The following RIN2 variants were observed in gnomAD, a reference collection of about 807,000 sequenced individuals.
RIN2 encodes the protein RAB5 interacting protein 2.
A neutral mutation model predicts 78.0 loss-of-function variants in RIN2; 36 were observed. That is an observed-to-expected ratio of 0.46 (90% CI 0.35 to 0.61). RIN2 has a LOEUF of 0.61. RIN2 is among the 20% of genes least tolerant of loss of function. The pLI is 0.00. For synonymous variants in RIN2, 466 were observed against 466.8 expected, an observed-to-expected ratio of 1.00 and a Z score of 0.02; for missense variants, 1,087 against 1,159.7, an observed-to-expected ratio of 0.94 and a Z score of 0.91.
chr20:19,823,725 C>A lies in RIN2; in HGVS notation c.-37+23978C>A, dbSNP rs988138070. The stretch of plus-strand genomic sequence containing the variant: ...TGATCATGGCAGAGGCAGAAGGCAC[C>A]ACCTCAATCTGGGCCTGTCTGTTCT... On this transcript the variant is annotated intron_variant, in intron 2 of 12. Transcript: ENST00000255006. 145 of 1,589,300 alleles carry A rather than the reference C, an allele frequency of 9.1e-5. 1 individual carries two copies. The highest frequency in any genetic ancestry group is 1.2e-4 in the Non-Finnish European group (143 of 1,169,776).
intron 4 of RIN2, among the ~76,000 whole-genome samples, chr20:19,939,705 G>A (rs753957298): frequency 2.0e-5 from 3 of 151,988 alleles, no homozygotes; most frequent in Admixed American, 6.6e-5. Flanking sequence ...TTGTACTTGC[G>A]GTTCCTTCTG....
At chr20:19,962,159 G>C (rs2041776228) in intron 6 of RIN2, among the ~76,000 whole-genome samples, 1 of 150,270 alleles carries the variant, frequency 6.7e-6, no homozygotes, top group African/African-American at 2.4e-5. Context: ...AAAAAAATTA[G>C]CCAGGCATGA....
rs192826507 is a variant in RIN2, at chr20:19,767,622, A to G, written c.-163+9295A>G. Among the ~76,000 whole-genome samples, 365 of 152,126 alleles carry G rather than the reference A, an allele frequency of 2.4e-3. 1 individual carries two copies. The highest frequency in any genetic ancestry group is 8.5e-3 in the African/African-American group (354 of 41,516). On this transcript the variant is annotated intron_variant, in intron 1 of 12. Transcript: ENST00000255006. ...GCTCCTGCGAGTTCATTATGGCACCACTTAGAATGCGAGGCTCCTGGCCAG... is the reference window on the plus strand; with the variant it reads ...GCTCCTGCGAGTTCATTATGGCACCGCTTAGAATGCGAGGCTCCTGGCCAG...
At chr20:19,822,501 C>G (rs1269638027) in intron 2 of RIN2, among the ~76,000 whole-genome samples, 2 of 152,186 alleles carry the variant, frequency 1.3e-5, no homozygotes, top group Non-Finnish European at 2.9e-5. Flanking sequence ...ATCTTAAATG[C>G]TCTCTTGCTC....
intron 1 of RIN2, among the ~76,000 whole-genome samples, chr20:19,796,680 A>G (rs962096616): frequency 3.9e-5 from 6 of 152,190 alleles, no homozygotes; most frequent in African/African-American, 9.6e-5. Context: ...AGCTTCAAAA[A>G]TAGGGTTCCC....
intron 2 of RIN2, among the ~76,000 whole-genome samples, chr20:19,835,470 A>T (rs544912842): frequency 2.0e-5 from 3 of 152,344 alleles, no homozygotes; most frequent in Non-Finnish European, 4.4e-5. Context: ...TTTAAACGAG[A>T]TCAGATAAAA....
chr20:19,962,889 G>A (rs1278397826), intron 6 of RIN2, among the ~76,000 whole-genome samples: 1 of 152,094 alleles, frequency 6.6e-6, no homozygotes, highest in Non-Finnish European at 1.5e-5. Flanking sequence ...CCCGGGAGGT[G>A]GAGGTTGCAG....
chr20:19,892,187 G>T (rs1330785039), intron 3 of RIN2, among the ~76,000 whole-genome samples: 2 of 152,086 alleles, frequency 1.3e-5, no homozygotes, highest in African/African-American at 4.8e-5. Context: ...TGTGTTTTTG[G>T]CAGAGTTTAA....
chr20:19,974,638 T>G lies in RIN2; in HGVS notation c.629-16T>G. ...ACCGTATTTACATTCTTGTGTTCAC[T>G]GATAATGACTTTCAGATTTCTGGAG... On this transcript the variant is annotated splice_polypyrimidine_tract_variant and intron_variant, in intron 8 of 12. Coordinates refer to ENST00000255006, the MANE Select transcript of RIN2 (RefSeq NM_018993.4). The G allele has an allele frequency of 3.7e-6, 6 of 1,606,274 alleles. No homozygotes were observed. The highest frequency in any genetic ancestry group is 5.1e-6 in the Non-Finnish European group (6 of 1,174,874).
intron 3 of RIN2, among the ~76,000 whole-genome samples, chr20:19,901,353 A>G (rs2038974711): frequency 7.3e-6 from 1 of 137,532 alleles, no homozygotes. Context: ...GCATCTGCAC[A>G]CAGATACATG....
At chr20:19,881,822 G>A (rs991108052) in intron 2 of RIN2, among the ~76,000 whole-genome samples, 1 of 152,164 alleles carries the variant, frequency 6.6e-6, no homozygotes, top group Non-Finnish European at 1.5e-5. Flanking sequence ...TAGGCTGTTA[G>A]TAAACAAAAC....
At chr20:19,987,700 A>G (rs552507992) in intron 9 of RIN2, among the ~76,000 whole-genome samples, 1 of 152,358 alleles carries the variant, frequency 6.6e-6, no homozygotes, top group East Asian at 1.9e-4. Context: ...AGGTAAAGTC[A>G]AAGATGCTAT....
At chr20:19,785,006 A>C (rs2034626801) in intron 1 of RIN2, among the ~76,000 whole-genome samples, 1 of 152,230 alleles carries the variant, frequency 6.6e-6, no homozygotes, top group African/African-American at 2.4e-5. Flanking sequence ...CCGCAAAATC[A>C]GACATGCTTC....
chr20:19,861,622 C>G (rs1041737139), intron 2 of RIN2, among the ~76,000 whole-genome samples: 1 of 151,328 alleles, frequency 6.6e-6, no homozygotes, highest in African/African-American at 2.4e-5. Flanking sequence ...TGATGATCAC[C>G]CTCCATATCT....
chr20:19,926,858 A>G (rs2040246041), intron 3 of RIN2, among the ~76,000 whole-genome samples: 1 of 152,190 alleles, frequency 6.6e-6, no homozygotes, highest in South Asian at 2.1e-4. Flanking sequence ...CTTGTGCTAT[A>G]AGCACTTTCT....
chr20:19,839,187 A>G (rs1244949758), intron 2 of RIN2, among the ~76,000 whole-genome samples: 1 of 152,164 alleles, frequency 6.6e-6, no homozygotes, highest in Non-Finnish European at 1.5e-5. Context: ...TAAGGGAGGA[A>G]CAAAACCGGT....
At chr20:19,914,513 T>C (rs1013946131) in intron 3 of RIN2, among the ~76,000 whole-genome samples, 3 of 152,204 alleles carry the variant, frequency 2.0e-5, no homozygotes, top group African/African-American at 7.2e-5. Context: ...GCTGGGCAGC[T>C]GAATTAAATT....
At chr20:19,851,813 A>G (rs1306717719) in intron 2 of RIN2, among the ~76,000 whole-genome samples, 1 of 152,176 alleles carries the variant, frequency 6.6e-6, no homozygotes, top group Non-Finnish European at 1.5e-5. Flanking sequence ...AAGAGGTATT[A>G]GTTAGCTATA....
At chr20:19,764,579 TACAAAA>T (rs2033786914) in intron 1 of RIN2, among the ~76,000 whole-genome samples, 1 of 152,274 alleles carries the variant, frequency 6.6e-6, no homozygotes, top group Non-Finnish European at 1.5e-5. Context: ...CATTTTGTTA[TACAAAA>T]TCTTTAACCT....
Sources: allele counts gnomAD v4.1 joint callset (sites outside exome capture counted in the v4.1 genomes callset), GRCh38; gene constraint gnomAD v4.1.1; transcripts MANE v1.5; gene names NCBI Gene and HGNC (gene_info 2026-07-23, HGNC 2026-07-21).